SCMH1: variants seen among roughly 807,000 people sequenced by gnomAD.
The protein encoded by SCMH1 is polycomb protein SCMH1.
Under a neutral mutation model 70.8 loss-of-function variants are expected in SCMH1, and 37 were observed. The ratio of observed to expected loss-of-function variants is 0.52; its 90% CI spans 0.40 to 0.69. The LOEUF is 0.69. Among genes scored for constraint, SCMH1 ranks in the 30% least tolerant of loss-of-function variants. The probability of loss-of-function intolerance (pLI) is 0.00; values close to 1 mark genes in which losing one functional copy is unlikely to be tolerated. For missense variants in SCMH1, 607 were observed against 827.3 expected (o/e 0.73, Z 3.27); for synonymous variants, 292 against 307.4 (o/e 0.95, Z 0.52).
chr1:41,105,967 T>C (rs997989899), intron 8 of SCMH1, among the ~76,000 whole-genome samples: 4 of 151,458 alleles, frequency 2.6e-5, no homozygotes, highest in Non-Finnish European at 2.9e-5. Flanking sequence ...CTCTACCTCC[T>C]GGGTTCAAGC....
intron 8 of SCMH1, among the ~76,000 whole-genome samples, chr1:41,077,584 C>T (rs1658710846): frequency 6.6e-6 from 1 of 152,058 alleles, no homozygotes; most frequent in Non-Finnish European, 1.5e-5. Context: ...TAAAACTAAG[C>T]CCCAGACCTC....
At chr1:41,225,528 G>A (rs775156692) in intron 1 of SCMH1, among the ~76,000 whole-genome samples, 3 of 152,140 alleles carry the variant, frequency 2.0e-5, no homozygotes, top group Admixed American at 6.6e-5. Flanking sequence ...ATCCATTAAC[G>A]ATTAACAGAA....
intron 6 of SCMH1, among the ~76,000 whole-genome samples, chr1:41,130,465 T>G (rs1674378991): frequency 6.6e-6 from 1 of 152,192 alleles, no homozygotes; most frequent in Non-Finnish European, 1.5e-5. Flanking sequence ...ATAAAGCTTT[T>G]CTTCTAAGAG....
At chr1:41,232,061 G>T (rs1661415158) in intron 1 of SCMH1, among the ~76,000 whole-genome samples, 1 of 151,702 alleles carries the variant, frequency 6.6e-6, no homozygotes, top group African/African-American at 2.4e-5. Flanking sequence ...ATGTACCTCA[G>T]TTGGGATTAT....
chr1:41,049,567 C>G (rs189336561), intron 10 of SCMH1, among the ~76,000 whole-genome samples: 5 of 149,256 alleles, frequency 3.3e-5, no homozygotes, highest in East Asian at 4.0e-4. Context: ...GTCAGGAGTT[C>G]GAGATCAGCC....
chr1:41,064,911 T>C (rs1483481685), intron 10 of SCMH1, among the ~76,000 whole-genome samples: 2 of 151,966 alleles, frequency 1.3e-5, no homozygotes, highest in Non-Finnish European at 2.9e-5. Flanking sequence ...CAAGACCCTA[T>C]TTCAAAAAAT....
chr1:41,031,503 C>T (rs1408003598), intron 13 of SCMH1, among the ~76,000 whole-genome samples: 1 of 152,154 alleles, frequency 6.6e-6, no homozygotes, highest in Non-Finnish European at 1.5e-5. Context: ...GAGATTCTAG[C>T]ATATTGTCTT....
chr1:41,067,374 G>A (rs1654964117), intron 10 of SCMH1, among the ~76,000 whole-genome samples: 1 of 150,942 alleles, frequency 6.6e-6, no homozygotes, highest in Non-Finnish European at 1.5e-5. Flanking sequence ...AACCTGGGAG[G>A]TGAAGGTTGC....
chr1:41,224,160 C>T lies in SCMH1; in HGVS notation c.-118+17899G>A, dbSNP rs183432935. Among the ~76,000 whole-genome samples the T allele has an allele frequency of 3.9e-5, 6 of 152,274 alleles. No homozygotes were observed. The East Asian group carries it at 1.2e-3, about 29-fold the overall frequency. On this transcript the variant is annotated intron_variant, in intron 1 of 14. Transcript: ENST00000337495. ...TACTCATCCTTTAAAACCTAATTTG[C>T]ATAGAATAGAAGCTTTCCTCATACT...
At chr1:41,209,399 C>A (rs1323364549) in intron 1 of SCMH1, among the ~76,000 whole-genome samples, 6 of 152,132 alleles carry the variant, frequency 3.9e-5, no homozygotes, top group Admixed American at 2.0e-4. Flanking sequence ...CAAAGCCTGG[C>A]AGAGACACAA....
intron 6 of SCMH1, among the ~76,000 whole-genome samples, chr1:41,125,471 C>T (rs910459026): frequency 6.6e-6 from 1 of 151,958 alleles, no homozygotes. Flanking sequence ...CTCATCTCGG[C>T]CTCCCAAAGT....
chr1:41,075,428 G>C (rs1657981649), exon 9 of SCMH1: 1 of 1,614,014 alleles, frequency 6.2e-7, no homozygotes, highest in Admixed American at 1.7e-5. Context: ...TCGGAGGCAG[G>C]ATAGGGATTC....
At chr1:41,224,223 C>T (rs901759580) in intron 1 of SCMH1, among the ~76,000 whole-genome samples, 5 of 152,094 alleles carry the variant, frequency 3.3e-5, no homozygotes, top group Non-Finnish European at 7.4e-5. Context: ...GAAGTGTATA[C>T]ATTTATATTA....
chr1:41,073,957 G>A (rs1657385966), intron 9 of SCMH1, among the ~76,000 whole-genome samples: 1 of 152,170 alleles, frequency 6.6e-6, no homozygotes, highest in Admixed American at 6.5e-5. Flanking sequence ...CTCCATACTG[G>A]AACTCAGGTA....
intron 1 of SCMH1, among the ~76,000 whole-genome samples, chr1:41,233,354 C>T (rs1661680461): frequency 6.6e-6 from 1 of 152,146 alleles, no homozygotes; most frequent in African/African-American, 2.4e-5. Context: ...ATCCACTAAA[C>T]TAGCAAGCTA....
chr1:41,062,419 C>T (rs1653000797), intron 10 of SCMH1, among the ~76,000 whole-genome samples: 1 of 151,572 alleles, frequency 6.6e-6, no homozygotes, highest in Non-Finnish European at 1.5e-5. Flanking sequence ...GCCTGACCAA[C>T]ATGTTAAAAC....
chr1:41,046,714 CAG>C (rs1646930562), intron 11 of SCMH1, 116 bp from the exon 12 acceptor site: 1 of 786,330 alleles, frequency 1.3e-6, no homozygotes, highest in Admixed American at 2.3e-5. Context: ...CAAAGGGAAT[CAG>C]TGCCCCACGT....
chr1:41,187,756 T>C (rs548964355), intron 1 of SCMH1, among the ~76,000 whole-genome samples: 24 of 150,126 alleles, frequency 1.6e-4, no homozygotes, highest in Admixed American at 4.6e-4. Flanking sequence ...GACAACACAG[T>C]GAGACCCCCA....
intron 8 of SCMH1, among the ~76,000 whole-genome samples, chr1:41,085,048 G>T (rs930838578): frequency 3.3e-5 from 5 of 151,310 alleles, no homozygotes; most frequent in African/African-American, 1.2e-4. Flanking sequence ...AGTGGGTGCA[G>T]CACACCAGCA....
Sources: allele counts gnomAD v4.1 joint callset (sites outside exome capture counted in the v4.1 genomes callset), GRCh38; gene constraint gnomAD v4.1.1; transcripts MANE v1.5; gene names NCBI Gene and HGNC (gene_info 2026-07-23, HGNC 2026-07-21).